The following RPS6KA6 variants were observed in gnomAD, a reference collection of about 807,000 sequenced individuals.
RPS6KA6 encodes the protein ribosomal protein S6 kinase alpha-6.
RPS6KA6 carries 27 observed loss-of-function variants against 65.4 expected under a neutral mutation model. That is an observed-to-expected ratio of 0.41 (90% CI 0.30 to 0.57). RPS6KA6 has a LOEUF of 0.57. Among genes scored for constraint, RPS6KA6 ranks in the 20% least tolerant of loss-of-function variants. The pLI is 0.24. For missense variants in RPS6KA6, 486 were observed against 555.6 expected, an observed-to-expected ratio of 0.87 and a Z score of 1.26; for synonymous variants, 190 against 184.2, an observed-to-expected ratio of 1.03 and a Z score of -0.26.
intron 4 of RPS6KA6, 99 bp from the exon 5 acceptor site, chrX:84,147,157 C>T (rs2035213839): frequency 1.8e-5 from 9 of 506,249 alleles, no homozygotes; most frequent in Admixed American, 3.7e-5. Flanking sequence ...AAATACAAAA[C>T]GTAACTTCCT....
chrX:84,143,167 T>G (rs2147536355), intron 6 of RPS6KA6, among the ~76,000 whole-genome samples: 1 of 111,271 alleles, frequency 9.0e-6, no homozygotes, highest in African/African-American at 3.2e-5. Context: ...GTTCAACATC[T>G]GACTATCAAT....
intron 12 of RPS6KA6, among the ~76,000 whole-genome samples, chrX:84,115,513 G>A (rs2034548343): frequency 8.9e-6 from 1 of 112,036 alleles, no homozygotes; most frequent in Non-Finnish European, 1.9e-5. Context: ...TAATGGGAAT[G>A]TAAATTAGTA....
At chrX:84,079,931 T>C (rs767748120) in intron 20 of RPS6KA6, among the ~76,000 whole-genome samples, 2 of 112,216 alleles carry the variant, frequency 1.8e-5, no homozygotes, top group African/African-American at 3.2e-5. Flanking sequence ...ACCTGCCTAC[T>C]CTGAAGAGAG....
At chrX:84,108,264 C>T (rs2034400682) in intron 12 of RPS6KA6, among the ~76,000 whole-genome samples, 1 of 111,740 alleles carries the variant, frequency 8.9e-6, no homozygotes, top group African/African-American at 3.3e-5. Flanking sequence ...AAAAAGCTTA[C>T]AGTCCCACAG....
chrX:84,116,300 G>C lies in RPS6KA6; in HGVS notation c.950-13C>G, dbSNP rs750639133. 9.8e-7 allele frequency: 1 copy of C among 1,020,129 alleles called. No individual in the cohort carries two copies. 84.1% of individuals were successfully genotyped at this position (1,020,129 alleles called of 1,213,427 possible). A position where few individuals can be genotyped will look rare whatever the true frequency, so the allele number is the denominator to read the frequency against. On this transcript the variant is annotated splice_polypyrimidine_tract_variant and intron_variant, in intron 11 of 21. Transcript: ENST00000262752. ...ACTCCTTCTGATCCTATAAAAAAAA[G>C]AAATGATATTTTATTTTTATGATTT...
At chrX:84,070,325 A>G (rs904553919) in intron 20 of RPS6KA6, among the ~76,000 whole-genome samples, 2 of 111,155 alleles carry the variant, frequency 1.8e-5, no homozygotes, top group African/African-American at 6.5e-5. Context: ...ATTCTCACTC[A>G]TAAGTGGGAG....
chrX:84,072,870 TGATGGAAGAAACTGAA>T (rs2033577648), intron 20 of RPS6KA6, among the ~76,000 whole-genome samples: 1 of 111,234 alleles, frequency 9.0e-6, no homozygotes, highest in African/African-American at 3.3e-5. Context: ...TATAAAACAC[TGATGGAAGAAACTGAA>T]GAGGATACAA....
intron 20 of RPS6KA6, among the ~76,000 whole-genome samples, chrX:84,084,289 T>A (rs1274437943): frequency 8.9e-6 from 1 of 111,992 alleles, no homozygotes; most frequent in East Asian, 2.8e-4. Flanking sequence ...TTTGCCTGTT[T>A]CTATGTCCTG....
chrX:84,170,586 C>T (rs563709165), intron 1 of RPS6KA6, among the ~76,000 whole-genome samples: 2 of 110,852 alleles, frequency 1.8e-5, no homozygotes, highest in African/African-American at 6.6e-5. Flanking sequence ...GCCAAGATCA[C>T]GCCACTGCAT....
chrX:84,116,439 T>C, intron 11 of RPS6KA6, 152 bp from the exon 12 acceptor site: 1 of 342,432 alleles, frequency 2.9e-6, no homozygotes, highest in Non-Finnish European at 5.1e-6. Context: ...TTTTATTAGC[T>C]GGTCCTTTCA....
At chrX:84,091,242 T>C (rs2034038387) in intron 20 of RPS6KA6, among the ~76,000 whole-genome samples, 2 of 112,598 alleles carry the variant, frequency 1.8e-5, no homozygotes, top group Admixed American at 9.4e-5. Context: ...CTGCAAATTA[T>C]AGTCACTCAC....
chrX:84,157,395 A>C (rs1482985707), intron 2 of RPS6KA6, among the ~76,000 whole-genome samples: 1 of 112,072 alleles, frequency 8.9e-6, no homozygotes, highest in African/African-American at 3.2e-5. Flanking sequence ...ATAAATGTTT[A>C]CTGAAAATAA....
chrX:84,124,942 A>G (rs2034750511), intron 8 of RPS6KA6, among the ~76,000 whole-genome samples: 1 of 112,225 alleles, frequency 8.9e-6, no homozygotes, highest in Non-Finnish European at 1.9e-5. Context: ...ATGGAGCCCC[A>G]ATACACCTGG....
chrX:84,078,813 G>A (rs2033719965), intron 20 of RPS6KA6, among the ~76,000 whole-genome samples: 1 of 110,988 alleles, frequency 9.0e-6, no homozygotes, highest in Non-Finnish European at 1.9e-5. Flanking sequence ...CAGGAGGGAG[G>A]GAATTACAAA....
chrX:84,152,548 C>G (rs1049971034), intron 3 of RPS6KA6, among the ~76,000 whole-genome samples: 3 of 110,946 alleles, frequency 2.7e-5, no homozygotes, highest in African/African-American at 9.8e-5. Flanking sequence ...AAAAATTTCC[C>G]TATCCTGGTA....
intron 2 of RPS6KA6, among the ~76,000 whole-genome samples, chrX:84,163,033 C>G (rs2035537314): frequency 8.9e-6 from 1 of 111,853 alleles, no homozygotes; most frequent in African/African-American, 3.2e-5. Flanking sequence ...GAGTTTTGGA[C>G]AAACCCAATT....
rs2033297180 is a variant in RPS6KA6 at position 84,061,228 on chromosome X, A to G, written c.*3049T>C. 1 of 111,998 alleles carries G rather than the reference A, an allele frequency of 8.9e-6. No individual in the cohort carries two copies. Among genetic ancestry groups the G allele is most frequent in the African/African-American group, 3.2e-5 (1 of 30,854 alleles). The allele number at this position is 111,998 out of a possible 1,213,427, so 9.2% of individuals were successfully genotyped here. On this transcript the variant is annotated 3_prime_UTR_variant, in exon 22 of 22. Transcript: ENST00000262752. ...TGTTTTCCTTCTTCATATATGAAAG[A>G]CCTCTATCTAGAAAATACTAGTCAA...
chrX:84,103,949 TAC>T (rs1015954203), intron 17 of RPS6KA6, among the ~76,000 whole-genome samples: 10 of 111,034 alleles, frequency 9.0e-5, no homozygotes, highest in Non-Finnish European at 1.9e-4. Context: ...TGTTTTTTTA[TAC>T]AGTTATATAT....
In RPS6KA6 at chrX:84,059,446, C is replaced by G. The variant is rs1381530000; in HGVS notation, c.*4831G>C. On this transcript the variant is annotated 3_prime_UTR_variant, in exon 22 of 22. Coordinates refer to ENST00000262752, the MANE Select transcript of RPS6KA6 (RefSeq NM_014496.5). The stretch of plus-strand genomic sequence containing the variant: ...GCCCGGCCGGCTGTTTCTTGATAGA[C>G]TGCTTTCCTGCTGTTAAAAATAATT... 2 of 111,412 alleles carry G rather than the reference C, an allele frequency of 1.8e-5. No individual in the cohort carries two copies. The highest frequency in any genetic ancestry group is 6.5e-5 in the African/African-American group (2 of 30,664). 9.2% of individuals were successfully genotyped at this position (111,412 alleles called of 1,213,427 possible). A position where few individuals can be genotyped will look rare whatever the true frequency, so the allele number is the denominator to read the frequency against.
Sources: allele counts gnomAD v4.1 joint callset (sites outside exome capture counted in the v4.1 genomes callset), GRCh38; gene constraint gnomAD v4.1.1; transcripts MANE v1.5; gene names NCBI Gene and HGNC (gene_info 2026-07-23, HGNC 2026-07-21).